Variants in RFX6 observed in about 807,000 individuals in gnomAD.
The protein encoded by RFX6 is regulatory factor X6, also known as DNA-binding protein RFX6.
RFX6 carries 50 observed loss-of-function variants against 110.8 expected under a neutral mutation model. The ratio of observed to expected loss-of-function variants is 0.45; its 90% CI spans 0.36 to 0.57. RFX6 has a LOEUF of 0.57. Ranked by LOEUF, RFX6 falls within the 20% of genes least tolerant of loss-of-function variation. RFX6 has a pLI of 0.00. For missense variants in RFX6, 990 were observed against 1,127.0 expected (o/e 0.88, Z 1.74); for synonymous variants, 383 against 411.2 (o/e 0.93, Z 0.83).
chr6:116,882,419 GC>G lies in RFX6; in HGVS notation c.559del (p.His187IlefsTer27). 6.2e-7 allele frequency: 1 copy of G among 1,611,124 alleles called. No individual in the cohort carries two copies. The highest frequency in any genetic ancestry group is 8.5e-7 in the Non-Finnish European group (1 of 1,177,554). ...LLTTRRLGTR[G>X]HSKYHYYGIG... is the part of the protein sequence containing the mutation. Reference sequence around the variant, plus strand: ...ACAACAAGGCGGCTTGGAACAAGAGGCCATTCAAAGTAAGATACCAGTGAAC... The same window carrying G: ...ACAACAAGGCGGCTTGGAACAAGAGGCATTCAAAGTAAGATACCAGTGAAC... On this transcript the variant is annotated frameshift_variant, in exon 4 of 19. Coordinates refer to ENST00000332958, the MANE Select transcript of RFX6 (RefSeq NM_173560.4). LOFTEE classifies it high-confidence loss of function.
chr6:116,880,988 G>A (rs1774578931), intron 3 of RFX6, among the ~76,000 whole-genome samples: 1 of 152,020 alleles, frequency 6.6e-6, no homozygotes, highest in Non-Finnish European at 1.5e-5. Context: ...GAGGTGACAA[G>A]TCTCTTGCTA....
In RFX6 at chr6:116,931,548, C is replaced by A; in HGVS notation, c.*42C>A. Reference sequence around the variant, plus strand: ...GGGGTGCTAAAACTTTAAAAAAAATCTCTACTGTGCAAATATCATTATTCA... The same window carrying A: ...GGGGTGCTAAAACTTTAAAAAAAATATCTACTGTGCAAATATCATTATTCA... On this transcript the variant is annotated 3_prime_UTR_variant, in exon 19 of 19. Transcript: ENST00000332958. 2 of 1,370,182 alleles carry A rather than the reference C, an allele frequency of 1.5e-6. No individual in the cohort carries two copies. The highest frequency in any genetic ancestry group is 2.1e-6 in the Non-Finnish European group (2 of 970,216). 84.9% of individuals were successfully genotyped at this position (1,370,182 alleles called of 1,614,324 possible). A position where few individuals can be genotyped will look rare whatever the true frequency, so the allele number is the denominator to read the frequency against.
At chr6:116,885,373 A>G (rs1004955120) in intron 4 of RFX6, among the ~76,000 whole-genome samples, 2 of 152,206 alleles carry the variant, frequency 1.3e-5, no homozygotes, top group Non-Finnish European at 2.9e-5. Flanking sequence ...AAAATTAATG[A>G]CTCAATATAA....
At chr6:116,913,465 C>A (rs1414073696) in intron 7 of RFX6, among the ~76,000 whole-genome samples, 2 of 152,170 alleles carry the variant, frequency 1.3e-5, no homozygotes, top group Non-Finnish European at 1.5e-5. Flanking sequence ...TAGTGTCTCT[C>A]GAGGCAGTTG....
intron 4 of RFX6, among the ~76,000 whole-genome samples, chr6:116,888,402 T>G (rs2114667740): frequency 6.6e-6 from 1 of 152,232 alleles, no homozygotes; most frequent in East Asian, 1.9e-4. Flanking sequence ...TATTCTTTTT[T>G]CATAAATTTT....
chr6:116,924,859 G>T, intron 15 of RFX6, 68 bp downstream of exon 15: 1 of 1,159,358 alleles, frequency 8.6e-7, no homozygotes, highest in Non-Finnish European at 1.3e-6. Context: ...GAATTTATAA[G>T]TTCAGATATT....
In RFX6 at chr6:116,920,466, C is replaced by T. The variant is rs2114697408; in HGVS notation, c.1327+12C>T. On this transcript the variant is annotated intron_variant, in intron 12 of 18. Coordinates refer to ENST00000332958, the MANE Select transcript of RFX6 (RefSeq NM_173560.4). ...TATCTACACTGAACGTAAGTCCATT[C>T]TCTTTGTTTAGAACAAGGTTTTCTA... 2 of 1,611,214 alleles carry T rather than the reference C, an allele frequency of 1.2e-6. No homozygotes were observed. The highest frequency in any genetic ancestry group is 2.2e-5 in the South Asian group (2 of 91,034).
chr6:116,891,488 A>G (rs1364521413), intron 4 of RFX6, among the ~76,000 whole-genome samples: 1 of 152,248 alleles, frequency 6.6e-6, no homozygotes, highest in Non-Finnish European at 1.5e-5. Context: ...TATTTAAACT[A>G]TAAAGCTTAT....
chr6:116,894,075 A>G lies in RFX6; in HGVS notation c.644+11A>G, dbSNP rs1250230534. On this transcript the variant is annotated intron_variant, in intron 5 of 18. Transcript: ENST00000332958. Reference sequence around the variant, plus strand: ...AAAGGGCTTGACAAGGTAGAGTTACACCATCTTCAAGACAAATTCTCTGTG... The same window carrying G: ...AAAGGGCTTGACAAGGTAGAGTTACGCCATCTTCAAGACAAATTCTCTGTG... 1 of 1,403,544 alleles carries G rather than the reference A, an allele frequency of 7.1e-7. No homozygotes were observed. Among genetic ancestry groups the G allele is most frequent in the East Asian group, 2.3e-5 (1 of 43,866 alleles). 86.9% of individuals were successfully genotyped at this position (1,403,544 alleles called of 1,614,324 possible). A position where few individuals can be genotyped will look rare whatever the true frequency, so the allele number is the denominator to read the frequency against.
chr6:116,890,043 A>AAG (rs2307844), intron 4 of RFX6, among the ~76,000 whole-genome samples: 124,521 of 151,676 alleles, frequency 0.82, 51,314 homozygotes, highest in East Asian at 0.89. Flanking sequence ...AACAAGAATA[A>AAG]AGTGTGTGTG....
rs752419809 is a variant in RFX6, at chr6:116,877,422, C to G, written c.147C>G (p.Ala49=). The change falls in exon 1 of 19, where the codon GCC becomes GCG. Residue 49 remains alanine, a synonymous_variant. Transcript: ENST00000332958. ...VYPEETVYLA[A]EGQPGGEQGG... ...CGGAAGAAACAGTGTACCTGGCGGC[C>G]GAAGGGCAGCCCGGGGGCGAGCAGG... 2 of 1,598,862 alleles carry G rather than the reference C, an allele frequency of 1.3e-6. No individual in the cohort carries two copies. The highest frequency in any genetic ancestry group is 1.7e-5 in the Admixed American group (1 of 58,086).
intron 10 of RFX6, among the ~76,000 whole-genome samples, chr6:116,918,302 G>A (rs572969865): frequency 1.3e-4 from 19 of 151,970 alleles, no homozygotes; most frequent in Non-Finnish European, 2.4e-4. Context: ...ATTTGAGAGC[G>A]GCTAAAGTGA....
intron 16 of RFX6, among the ~76,000 whole-genome samples, chr6:116,925,999 G>A (rs1775719402): frequency 6.6e-6 from 1 of 152,070 alleles, no homozygotes; most frequent in South Asian, 2.1e-4. Flanking sequence ...GGATTTTGAG[G>A]AGACTTTATT....
At chr6:116,909,476 G>A (rs1775283590) in intron 6 of RFX6, among the ~76,000 whole-genome samples, 1 of 151,714 alleles carries the variant, frequency 6.6e-6, no homozygotes, top group Non-Finnish European at 1.5e-5. Context: ...TTCCTTGACA[G>A]TGCAATGATA....
intron 9 of RFX6, among the ~76,000 whole-genome samples, chr6:116,916,879 AGTCTCTTCCCTGGTG>A (rs1264058831): frequency 1.3e-5 from 2 of 152,144 alleles, no homozygotes; most frequent in Non-Finnish European, 2.9e-5. Flanking sequence ...AATTCTTGAC[AGTCTCTTCCCTGGTG>A]GCTACAAGTT....
rs892421649 is a variant in RFX6, at chr6:116,886,685, A to G, written c.566+4257A>G. ...TCTTTCCCTCACTGAAAAGTGAAAG[A>G]TGAAAAAGTTTGACTGTATAAAATG... is the stretch of plus-strand genomic sequence containing the variant. On this transcript the variant is annotated intron_variant, in intron 4 of 18. Transcript: ENST00000332958. 3.1e-4 allele frequency among the ~76,000 whole-genome samples: 47 copies of G among 152,352 alleles called. 1 individual carries two copies. Among genetic ancestry groups the G allele is most frequent in the Admixed American group, 3.1e-3 (47 of 15,304 alleles).
At chr6:116,925,295 A>G (rs1775686469) in intron 15 of RFX6, among the ~76,000 whole-genome samples, 158 bp from the exon 16 acceptor site, 1 of 152,226 alleles carries the variant, frequency 6.6e-6, no homozygotes, top group African/African-American at 2.4e-5. Context: ...TGTCAAGAGC[A>G]AAGGTCTGCC....
chr6:116,912,428 A>C (rs1775372396), intron 7 of RFX6, among the ~76,000 whole-genome samples: 2 of 152,192 alleles, frequency 1.3e-5, no homozygotes, highest in Admixed American at 1.3e-4. Flanking sequence ...GGAGTCTCTC[A>C]AACTATGTTC....
intron 6 of RFX6, among the ~76,000 whole-genome samples, chr6:116,909,407 ATTAAG>A (rs1159514795): frequency 3.9e-5 from 6 of 151,936 alleles, no homozygotes; most frequent in African/African-American, 1.4e-4. Flanking sequence ...TCCTTTAAGG[ATTAAG>A]TTATTTATTT....
Sources: gnomAD v4.1 joint callset for allele counts (sites outside exome capture counted in the v4.1 genomes callset) on GRCh38, gnomAD v4.1.1 for gene constraint, MANE v1.5 for transcripts, NCBI Gene and HGNC (gene_info 2026-07-23, HGNC 2026-07-21) for gene names.